The following DHRS9 variants were observed in gnomAD, a reference collection of about 807,000 sequenced individuals.
DHRS9 encodes dehydrogenase/reductase 9.
In DHRS9, 18 loss-of-function variants were observed where a neutral mutation model predicts 26.6. The observed-to-expected ratio is 0.68, with a 90% CI of 0.47 to 1.00. The LOEUF (loss-of-function observed/expected upper bound fraction) is 1.00. DHRS9 is among the 50% of genes least tolerant of loss of function. The pLI is 0.00. For synonymous variants in DHRS9, 134 were observed against 141.1 expected, an observed-to-expected ratio of 0.95 and a Z score of 0.36; for missense variants, 425 against 378.7, an observed-to-expected ratio of 1.12 and a Z score of -1.01.
intron 1 of DHRS9, among the ~76,000 whole-genome samples, chr2:169,071,422 G>C (rs953892760): frequency 6.6e-6 from 1 of 152,150 alleles, no homozygotes; most frequent in Admixed American, 6.5e-5. Context: ...CGTTTTGAAG[G>C]AAGGCAAAAG....
chr2:169,073,330 C>G (rs1466584593), intron 1 of DHRS9, among the ~76,000 whole-genome samples: 1 of 152,146 alleles, frequency 6.6e-6, no homozygotes, highest in Non-Finnish European at 1.5e-5. Context: ...GTTTCCTCCT[C>G]TATACAGTGA....
At chr2:169,074,318 G>A in intron 1 of DHRS9, 1 of 985,412 alleles carries the variant, frequency 1.0e-6, no homozygotes, top group Non-Finnish European at 1.2e-6. Context: ...AGTGAAACTG[G>A]GATGGAACCT....
rs140016691 is a variant in DHRS9, at chr2:169,095,628, G to T, written c.821G>T (p.Ser274Ile). The change falls in exon 5 of 5, where the codon AGT (serine) becomes ATT (isoleucine). Residue 274 changes from serine to isoleucine, a missense_variant. Ser to Ile is a moderately radical substitution (Grantham distance 142, BLOSUM62 -2). Coordinates refer to ENST00000674881, the MANE Select transcript of DHRS9 (RefSeq NM_001376924.1). ...GAGTGCATGGACCACGCTCTAACAA[G>T]TCTCTTCCCTAAGACTCATTATGCC... ...VVECMDHALT[S>I]LFPKTHYAAG... 5 of 1,613,858 alleles carry T rather than the reference G, an allele frequency of 3.1e-6. No individual in the cohort carries two copies. The South Asian group carries it at 4.4e-5, about 14-fold the overall frequency.
At chr2:169,071,620 G>A (rs1367333586) in intron 1 of DHRS9, among the ~76,000 whole-genome samples, 1 of 152,090 alleles carries the variant, frequency 6.6e-6, no homozygotes, top group East Asian at 1.9e-4. Context: ...AGTACCCAAA[G>A]CACAGTCTGG....
intron 1 of DHRS9, 104 bp from the exon 2 acceptor site, chr2:169,081,419 A>G: frequency 7.5e-7 from 1 of 1,324,956 alleles, no homozygotes; most frequent in Non-Finnish European, 9.9e-7. Flanking sequence ...TTAACTTTCT[A>G]TTTATCCACA....
chr2:169,091,195 T>C (rs972292629), intron 3 of DHRS9, among the ~76,000 whole-genome samples: 1 of 151,000 alleles, frequency 6.6e-6, no homozygotes, highest in Non-Finnish European at 1.5e-5. Flanking sequence ...AGGGAATGAG[T>C]AGGCTTTTAG....
At chr2:169,071,315 T>C (rs1160954554) in intron 1 of DHRS9, among the ~76,000 whole-genome samples, 1 of 152,216 alleles carries the variant, frequency 6.6e-6, no homozygotes, top group Non-Finnish European at 1.5e-5. Flanking sequence ...TGTAACCTGC[T>C]AATACTGTCA....
chr2:169,078,741 A>G (rs1251924796), intron 1 of DHRS9, among the ~76,000 whole-genome samples: 2 of 151,550 alleles, frequency 1.3e-5, no homozygotes, highest in African/African-American at 4.8e-5. Flanking sequence ...AAATAGCTGT[A>G]GCTATACCAC....
At chr2:169,078,440 A>G (rs1269220535) in intron 1 of DHRS9, among the ~76,000 whole-genome samples, 2 of 152,224 alleles carry the variant, frequency 1.3e-5, no homozygotes, top group African/African-American at 4.8e-5. Context: ...AAAATATATT[A>G]AACATTTCGC....
intron 4 of DHRS9, 41 bp from the exon 5 acceptor site, chr2:169,095,503 C>G (rs1247598032): frequency 1.3e-6 from 2 of 1,543,038 alleles, no homozygotes; most frequent in East Asian, 2.2e-5. Context: ...CTCTGCTTTC[C>G]CCTTCTACCA....
At chr2:169,068,735 C>G (rs1250559306), upstream of DHRS9, among the ~76,000 whole-genome samples, 1 of 152,126 alleles carries the variant, frequency 6.6e-6, no homozygotes, top group Non-Finnish European at 1.5e-5. Flanking sequence ...AGGAGGAATA[C>G]AGAGTCTGGG....
intron 1 of DHRS9, among the ~76,000 whole-genome samples, chr2:169,071,873 A>G (rs1442521847): frequency 6.6e-6 from 1 of 152,202 alleles, no homozygotes; most frequent in African/African-American, 2.4e-5. Flanking sequence ...GTGCCATTAA[A>G]AAATTTTTTT....
upstream of DHRS9, among the ~76,000 whole-genome samples, chr2:169,068,726 G>T (rs1459956373): frequency 6.6e-6 from 1 of 152,190 alleles, no homozygotes; most frequent in Non-Finnish European, 1.5e-5. Context: ...AATTTTCAAA[G>T]GAGGAATACA....
Position 169,091,787 on chromosome 2 carries a change from C to A in DHRS9, c.573-3C>A. On this transcript the variant is annotated splice_region_variant and splice_polypyrimidine_tract_variant and intron_variant, in intron 3 of 4. Coordinates refer to ENST00000674881, the MANE Select transcript of DHRS9 (RefSeq NM_001376924.1). ...AAACATCTTCAATGGGTTCTTTTCA[C>A]AGACGGGACATGAAAGCTTTTGGTG... is the stretch of plus-strand genomic sequence containing the variant. The A allele has an allele frequency of 6.2e-7, 1 of 1,601,052 alleles. No individual in the cohort carries two copies. Among genetic ancestry groups the A allele is most frequent in the Non-Finnish European group, 8.5e-7 (1 of 1,172,106 alleles).
chr2:169,085,876 G>A (rs1205222177), intron 3 of DHRS9, among the ~76,000 whole-genome samples: 2 of 152,050 alleles, frequency 1.3e-5, no homozygotes, highest in Non-Finnish European at 2.9e-5. Flanking sequence ...TATGTTATTT[G>A]TTTTTGAGGA....
At position 169,083,444 on chromosome 2, in the gene DHRS9, T is replaced by A. The variant is rs184933738; in HGVS notation, c.429T>A (p.Ser143Arg). The change falls in exon 3 of 5, where the codon AGT becomes AGA. Residue 143 changes from serine (S) to arginine (R), a missense_variant. By Grantham distance (110) the Ser-to-Arg change is moderately radical. Coordinates refer to ENST00000674881, the MANE Select transcript of DHRS9 (RefSeq NM_001376924.1). ...AAGTGAACCTGTTTGGACTCATCAG[T>A]GTGACACTAAATATGCTTCCTTTGG... Reference protein sequence around the residue: ...PIEVNLFGLISVTLNMLPLVK... With the variant: ...PIEVNLFGLIRVTLNMLPLVK... 2 of 1,614,006 alleles carry A rather than the reference T, an allele frequency of 1.2e-6. No individual in the cohort carries two copies. Among genetic ancestry groups the A allele is most frequent in the African/African-American group, 2.7e-5 (2 of 74,906 alleles).
At position 169,071,966 on chromosome 2, in the gene DHRS9, A is replaced by AT. The variant is rs201118100; in HGVS notation, c.-60+2258dup. On this transcript the variant is annotated intron_variant, in intron 1 of 4. Transcript: ENST00000674881. ...TTTATGTCAATAGGTTCCAGTGTTC[A>AT]TTTTTTTTTAAGTGTGGAAGAAATC... Among the ~76,000 whole-genome samples, 888 of 143,462 alleles carry AT rather than the reference A, an allele frequency of 6.2e-3. 9 individuals are homozygous for AT. The highest frequency in any genetic ancestry group is 0.02 in the African/African-American group (766 of 38,858). 94.1% of individuals were successfully genotyped at this position (143,462 alleles called of 152,430 possible).
intron 1 of DHRS9, among the ~76,000 whole-genome samples, chr2:169,078,499 A>G (rs569681499): frequency 6.6e-6 from 1 of 152,344 alleles, no homozygotes; most frequent in Admixed American, 6.5e-5. Context: ...ACGCTATATT[A>G]GTTGAATTTG....
chr2:169,074,271 T>C (rs1683895043), intron 1 of DHRS9: 1 of 985,248 alleles, frequency 1.0e-6, no homozygotes, highest in Non-Finnish European at 1.2e-6. Context: ...AAATGGAGGC[T>C]AAGAAAAGTT....
Sources: gnomAD v4.1 joint callset for allele counts (sites outside exome capture counted in the v4.1 genomes callset) on GRCh38, gnomAD v4.1.1 for gene constraint, MANE v1.5 for transcripts, NCBI Gene and HGNC (gene_info 2026-07-23, HGNC 2026-07-21) for gene names.